Variants in GALNTL6 observed in about 807,000 individuals in gnomAD.
GALNTL6 encodes polypeptide N-acetylgalactosaminyltransferase like 6, also known as polypeptide N-acetylgalactosaminyltransferase-like 6.
Under a neutral mutation model 73.7 loss-of-function variants are expected in GALNTL6, and 46 were observed. That is an observed-to-expected ratio of 0.62 (90% CI 0.49 to 0.80). The LOEUF (loss-of-function observed/expected upper bound fraction) is 0.80. Among genes scored for constraint, GALNTL6 ranks in the 30% least tolerant of loss-of-function variants. GALNTL6 has a pLI of 0.00. For missense variants in GALNTL6, 604 were observed against 755.0 expected (o/e 0.80, Z 2.34); for synonymous variants, 259 against 263.7 (o/e 0.98, Z 0.17).
chr4:172,573,685 C>T (rs1380675122), intron 5 of GALNTL6, among the ~76,000 whole-genome samples: 1 of 152,154 alleles, frequency 6.6e-6, no homozygotes, highest in Non-Finnish European at 1.5e-5. Context: ...GAAGCCCTTA[C>T]AGAGAGCTCA....
intron 3 of GALNTL6, among the ~76,000 whole-genome samples, chr4:172,246,045 C>A (rs1359295943): frequency 6.6e-6 from 1 of 151,828 alleles, no homozygotes; most frequent in African/African-American, 2.4e-5. Context: ...AATTTATCTG[C>A]CAAAAAGTAT....
In GALNTL6 at chr4:172,888,684, G is replaced by A. The variant is rs1454078507; in HGVS notation, c.1041+5777G>A. ...GTCTTGTAGTACAGTTTGAATTTAG[G>A]TAATGTGGTACCTCCGGCTCTGTTC... On this transcript the variant is annotated intron_variant, in intron 8 of 12. Transcript: ENST00000506823. Among the ~76,000 whole-genome samples the A allele has an allele frequency of 2.6e-5, 4 of 152,144 alleles. No individual in the cohort carries two copies. The East Asian group carries it at 7.7e-4, about 29-fold the overall frequency.
intron 5 of GALNTL6, among the ~76,000 whole-genome samples, chr4:172,710,737 A>G (rs1734652268): frequency 6.6e-6 from 1 of 152,188 alleles, no homozygotes; most frequent in African/African-American, 2.4e-5. Flanking sequence ...TGTAATTTTT[A>G]ATAAAATTAT....
At chr4:172,790,555 A>G (rs1217553367) in intron 5 of GALNTL6, among the ~76,000 whole-genome samples, 1 of 152,166 alleles carries the variant, frequency 6.6e-6, no homozygotes, top group Non-Finnish European at 1.5e-5. Context: ...TGAGAAATAA[A>G]TGTCTGTTAA....
intron 2 of GALNTL6, among the ~76,000 whole-genome samples, chr4:171,823,857 A>C (rs1337313484): frequency 6.6e-6 from 1 of 150,988 alleles, no homozygotes; most frequent in African/African-American, 2.4e-5. Context: ...GTGGGGATAG[A>C]TGGGTGGGTG....
chr4:171,998,722 T>C (rs1740575439), intron 2 of GALNTL6, among the ~76,000 whole-genome samples: 1 of 152,200 alleles, frequency 6.6e-6, no homozygotes, highest in Non-Finnish European at 1.5e-5. Context: ...GCTAAAACGC[T>C]TTTAACCACA....
intron 2 of GALNTL6, among the ~76,000 whole-genome samples, chr4:172,140,453 T>TGA (rs1256949146): frequency 6.6e-6 from 1 of 152,070 alleles, no homozygotes; most frequent in East Asian, 1.9e-4. Flanking sequence ...AGCATTTACT[T>TGA]TGTGCCAGTC....
intron 2 of GALNTL6, among the ~76,000 whole-genome samples, chr4:171,889,987 C>T (rs1190322392): frequency 6.6e-6 from 1 of 152,028 alleles, no homozygotes; most frequent in Non-Finnish European, 1.5e-5. Context: ...ACTGTTAATG[C>T]CAGTGGAAAG....
chr4:172,484,691 G>C (rs1485383432), intron 5 of GALNTL6, among the ~76,000 whole-genome samples: 1 of 152,154 alleles, frequency 6.6e-6, no homozygotes, highest in African/African-American at 2.4e-5. Flanking sequence ...GTTTCTAGTA[G>C]AGACTTCTCT....
At chr4:172,045,763 TA>T (rs111559625) in intron 2 of GALNTL6, among the ~76,000 whole-genome samples, 4,797 of 139,124 alleles carry the variant, frequency 0.034, 209 homozygotes, top group African/African-American at 0.11. Context: ...ACAATAGAAC[TA>T]AAAAAAAAAA....
At chr4:171,824,177 G>C (rs1395512715) in intron 2 of GALNTL6, among the ~76,000 whole-genome samples, 7 of 149,912 alleles carry the variant, frequency 4.7e-5, no homozygotes, top group African/African-American at 1.7e-4. Context: ...GTAGTACAGG[G>C]ATTTTTCTAT....
intron 5 of GALNTL6, among the ~76,000 whole-genome samples, chr4:172,615,039 T>A (rs1026986055): frequency 1.3e-5 from 2 of 152,134 alleles, no homozygotes; most frequent in Admixed American, 1.3e-4. Flanking sequence ...TAAGTTGACC[T>A]CAAAGGAGAC....
chr4:171,835,667 G>C (rs2110832982), intron 2 of GALNTL6, among the ~76,000 whole-genome samples: 1 of 151,994 alleles, frequency 6.6e-6, no homozygotes, highest in East Asian at 1.9e-4. Context: ...AGAGAAAAGT[G>C]AAAATAGTCA....
chr4:172,569,405 G>A (rs1323245415), intron 5 of GALNTL6, among the ~76,000 whole-genome samples: 2 of 152,124 alleles, frequency 1.3e-5, no homozygotes, highest in Admixed American at 6.5e-5. Context: ...GTCATATTAC[G>A]TTATTTTGGG....
chr4:172,409,870 C>G (rs1472294969), intron 5 of GALNTL6, among the ~76,000 whole-genome samples: 1 of 151,964 alleles, frequency 6.6e-6, no homozygotes, highest in African/African-American at 2.4e-5. Context: ...GAAAGAAGTT[C>G]ACATTTGTTG....
chr4:171,838,174 C>T (rs544693114), intron 2 of GALNTL6, among the ~76,000 whole-genome samples: 6 of 151,854 alleles, frequency 4.0e-5, no homozygotes, highest in South Asian at 2.1e-4. Context: ...CCCAGGCTGA[C>T]GTGCAATGGC....
chr4:172,968,308 G>A (rs1750425090), intron 10 of GALNTL6, among the ~76,000 whole-genome samples: 1 of 152,136 alleles, frequency 6.6e-6, no homozygotes, highest in African/African-American at 2.4e-5. Context: ...AGCCTTTCCA[G>A]AACAGGAATG....
In GALNTL6 at chr4:172,291,139, G is replaced by A. The variant is rs1185049017; in HGVS notation, c.248-20475G>A. 2.6e-5 allele frequency among the ~76,000 whole-genome samples: 4 copies of A among 152,056 alleles called. No homozygotes were observed. The South Asian group carries it at 8.3e-4, about 31-fold the overall frequency. On this transcript the variant is annotated intron_variant, in intron 3 of 12. Coordinates refer to ENST00000506823, the MANE Select transcript of GALNTL6 (RefSeq NM_001034845.3). Reference sequence around the variant, plus strand: ...CGTGAAAACCATTCCAGGATTTTCAGTTGCTTCTAATATAATACATAAAGC... The same window carrying A: ...CGTGAAAACCATTCCAGGATTTTCAATTGCTTCTAATATAATACATAAAGC...
chr4:172,655,328 C>T (rs1730928588), intron 5 of GALNTL6, among the ~76,000 whole-genome samples: 1 of 152,102 alleles, frequency 6.6e-6, no homozygotes, highest in Non-Finnish European at 1.5e-5. Flanking sequence ...TAATTTTTAT[C>T]ATTTGCACTC....
Sources: allele counts gnomAD v4.1 joint callset (sites outside exome capture counted in the v4.1 genomes callset), GRCh38; gene constraint gnomAD v4.1.1; transcripts MANE v1.5; gene names NCBI Gene and HGNC (gene_info 2026-07-23, HGNC 2026-07-21).